PRKG2: variants seen among roughly 807,000 people sequenced by gnomAD.
The protein encoded by PRKG2 is protein kinase cGMP-dependent 2.
PRKG2 carries 33 observed loss-of-function variants against 97.2 expected under a neutral mutation model. That is an observed-to-expected ratio of 0.34 (90% CI 0.26 to 0.45). The LOEUF (loss-of-function observed/expected upper bound fraction) is 0.45. PRKG2 is among the 20% of genes least tolerant of loss of function. PRKG2 has a pLI of 1.00. For synonymous variants in PRKG2, 330 were observed against 321.8 expected (o/e 1.03, Z -0.27); for missense variants, 638 against 900.0 (o/e 0.71, Z 3.73).
chr4:81,167,283 A>G, intron 5 of PRKG2, 59 bp from the exon 6 acceptor site: 1 of 1,067,110 alleles, frequency 9.4e-7, no homozygotes, highest in Non-Finnish European at 1.4e-6. Flanking sequence ...AAATATACAC[A>G]TATGCAGATT....
At chr4:81,097,075 T>A (rs1464009928) in intron 17 of PRKG2, among the ~76,000 whole-genome samples, 1 of 152,000 alleles carries the variant, frequency 6.6e-6, no homozygotes, top group East Asian at 1.9e-4. Flanking sequence ...TTTAAATTCA[T>A]CAAAATTATT....
chr4:81,155,298 G>C (rs2110064516), intron 6 of PRKG2, among the ~76,000 whole-genome samples: 1 of 152,030 alleles, frequency 6.6e-6, no homozygotes, highest in African/African-American at 2.4e-5. Context: ...AGCCTCAGGA[G>C]CCGATGCGAT....
chr4:81,148,270 T>A (rs1199875628), intron 9 of PRKG2, among the ~76,000 whole-genome samples: 1 of 152,104 alleles, frequency 6.6e-6, no homozygotes, highest in East Asian at 1.9e-4. Flanking sequence ...CTTCATTTTG[T>A]CAAGTAGATA....
At chr4:81,154,328 A>G (rs555733391) in intron 6 of PRKG2, 2 of 152,534 alleles carry the variant, frequency 1.3e-5, no homozygotes, top group East Asian at 3.9e-4. Context: ...GGCACAGACA[A>G]ACAAAAAGAC....
chr4:81,097,851 T>C (rs1006391263), intron 17 of PRKG2, among the ~76,000 whole-genome samples: 1 of 152,178 alleles, frequency 6.6e-6, no homozygotes, highest in Non-Finnish European at 1.5e-5. Flanking sequence ...AGGGTTAGAA[T>C]TTTGCTCTGG....
At chr4:81,173,556 T>C (rs985817209) in intron 3 of PRKG2, among the ~76,000 whole-genome samples, 1 of 152,106 alleles carries the variant, frequency 6.6e-6, no homozygotes, top group Non-Finnish European at 1.5e-5. Flanking sequence ...CCCTAAAAAC[T>C]TGAAGGCTGG....
intron 4 of PRKG2, among the ~76,000 whole-genome samples, chr4:81,170,988 T>C (rs189873600): frequency 1.4e-4 from 22 of 151,992 alleles, no homozygotes; most frequent in Admixed American, 1.2e-3. Flanking sequence ...ACAAACCTTT[T>C]TATTTTTATT....
chr4:81,135,018 C>T (rs1316405340), intron 14 of PRKG2, 137 bp downstream of exon 14: 7 of 738,828 alleles, frequency 9.5e-6, no homozygotes, highest in Non-Finnish European at 1.4e-5. Context: ...CCAGTATTGT[C>T]GGGAAATGTC....
chr4:81,216,962 C>T (rs1225807350), upstream of PRKG2, among the ~76,000 whole-genome samples: 1 of 143,982 alleles, frequency 6.9e-6, no homozygotes, highest in East Asian at 2.0e-4. Context: ...AAAATTTTCC[C>T]AGTTTTTCAG....
At chr4:81,216,890 ATTGT>A (rs1754289466), upstream of PRKG2, among the ~76,000 whole-genome samples, 1 of 102,716 alleles carries the variant, frequency 9.7e-6, no homozygotes, top group South Asian at 3.0e-4. Context: ...GTAGTATTCC[ATTGT>A]GTGTGTGTGT....
At chr4:81,098,322 G>C (rs866305526) in intron 17 of PRKG2, among the ~76,000 whole-genome samples, 7 of 151,402 alleles carry the variant, frequency 4.6e-5, no homozygotes, top group African/African-American at 1.5e-4. Flanking sequence ...GATCGTGTGA[G>C]TTAATAAACT....
intron 1 of PRKG2, among the ~76,000 whole-genome samples, chr4:81,212,556 G>A (rs1043761677): frequency 2.0e-5 from 3 of 152,154 alleles, no homozygotes; most frequent in African/African-American, 4.8e-5. Context: ...GCAGATTTGA[G>A]GGATAGGACA....
chr4:81,151,413 C>A (rs1461981945), intron 8 of PRKG2, among the ~76,000 whole-genome samples: 2 of 151,956 alleles, frequency 1.3e-5, no homozygotes, highest in Non-Finnish European at 2.9e-5. Flanking sequence ...AAAAATATTT[C>A]TTCCATAAAT....
intron 6 of PRKG2, among the ~76,000 whole-genome samples, chr4:81,156,951 G>C (rs2110066824): frequency 6.6e-6 from 1 of 152,250 alleles, no homozygotes; most frequent in African/African-American, 2.4e-5. Context: ...GAAATTTATA[G>C]CACTAAATGC....
intron 2 of PRKG2, among the ~76,000 whole-genome samples, chr4:81,196,635 G>A (rs973940811): frequency 5.3e-5 from 8 of 152,038 alleles, no homozygotes; most frequent in Non-Finnish European, 1.0e-4. Flanking sequence ...AATTAAAATT[G>A]ATTTGGCATC....
intron 6 of PRKG2, among the ~76,000 whole-genome samples, chr4:81,158,454 T>G (rs978756364): frequency 7.2e-6 from 1 of 138,570 alleles, no homozygotes; most frequent in African/African-American, 3.5e-5. Context: ...TAAAAGAGGA[T>G]ACAAACAAAT....
chr4:81,154,006 G>A (rs1748701240), intron 6 of PRKG2: 3 of 239,478 alleles, frequency 1.3e-5, no homozygotes, highest in East Asian at 9.7e-5. Flanking sequence ...AAGGGGTGAT[G>A]GACAGCACCT....
intron 15 of PRKG2, among the ~76,000 whole-genome samples, chr4:81,107,921 G>A (rs1276489533): frequency 6.6e-5 from 10 of 151,992 alleles, no homozygotes; most frequent in Admixed American, 6.6e-4. Context: ...AAACACTTTC[G>A]AGGCCGGGCA....
intron 2 of PRKG2, among the ~76,000 whole-genome samples, chr4:81,181,946 GAT>G (rs1380786852): frequency 6.6e-6 from 1 of 151,798 alleles, no homozygotes; most frequent in Non-Finnish European, 1.5e-5. Flanking sequence ...TAGAAAATCT[GAT>G]TAGCAATAAA....
Sources: gnomAD v4.1 joint callset for allele counts (sites outside exome capture counted in the v4.1 genomes callset) on GRCh38, gnomAD v4.1.1 for gene constraint, MANE v1.5 for transcripts, NCBI Gene and HGNC (gene_info 2026-07-23, HGNC 2026-07-21) for gene names.